CARS2: variants seen among roughly 807,000 people sequenced by gnomAD.
The protein encoded by CARS2 is cysteinyl-tRNA synthetase 2, mitochondrial, also known as probable cysteine--tRNA ligase, mitochondrial.
CARS2 carries 52 observed loss-of-function variants against 68.8 expected under a neutral mutation model. The ratio of observed to expected loss-of-function variants is 0.76; its 90% CI spans 0.61 to 0.95. The LOEUF is 0.95. Among genes scored for constraint, CARS2 ranks in the 40% least tolerant of loss-of-function variants. CARS2 has a pLI of 0.00. For synonymous variants in CARS2, 314 were observed against 303.6 expected (o/e 1.03, Z -0.36); for missense variants, 780 against 754.2 (o/e 1.03, Z -0.40).
At chr13:110,709,865 A>G (rs1186863685), upstream of CARS2, among the ~76,000 whole-genome samples, 1 of 152,160 alleles carries the variant, frequency 6.6e-6, no homozygotes. Flanking sequence ...GGTCAGAACG[A>G]GGAAGTGTGT....
intron 13 of CARS2, chr13:110,643,247 G>A (rs1887639191): frequency 6.0e-6 from 1 of 167,156 alleles, no homozygotes; most frequent in Non-Finnish European, 1.3e-5. Context: ...CAAGGGCTAG[G>A]CAGAGCTTGG....
Position 110,701,562 on chromosome 13 carries a change from GA to G in CARS2, c.276-8del. The G allele has an allele frequency of 7.3e-6, 9 of 1,231,346 alleles. No homozygotes were observed. Among genetic ancestry groups the G allele is most frequent in the Non-Finnish European group, 1.1e-5 (9 of 837,802 alleles). The allele number at this position is 1,231,346 out of a possible 1,614,324, so 76.3% of individuals were successfully genotyped here. On this transcript the variant is annotated splice_polypyrimidine_tract_variant and splice_region_variant and intron_variant, in intron 2 of 14. Transcript: ENST00000257347. ...ATCAAATCTAACATATGAGCTGAAA[GA>G]AAAAAAGTGTCAGGATGTCTTTATT...
rs935860525 is a variant in CARS2 at position 110,668,186 on chromosome 13, G to A, written c.786-713C>T. 1.3e-5 allele frequency among the ~76,000 whole-genome samples: 2 copies of A among 152,326 alleles called. No individual in the cohort carries two copies. The highest frequency in any genetic ancestry group is 3.9e-4 in the East Asian group (2 of 5,192). On this transcript the variant is annotated intron_variant, in intron 7 of 14. Coordinates refer to ENST00000257347, the MANE Select transcript of CARS2 (RefSeq NM_024537.4). This position sits in a 1 kb window ranked among gnomAD's most constrained non-coding sequence, Gnocchi z 4.1. ...CTGTGCTCGGGGAAGCACTGCACAC[G>A]GAGGTCTCGAGCCTGGGGAAACAGG...
chr13:110,684,182 G>A (rs1367008009), intron 5 of CARS2, among the ~76,000 whole-genome samples: 1 of 152,166 alleles, frequency 6.6e-6, no homozygotes, highest in Non-Finnish European at 1.5e-5. Context: ...CCACAGATCC[G>A]CAGCCACCAT....
chr13:110,663,443 C>T lies in CARS2; in HGVS notation c.987+8G>A, dbSNP rs769199498. The T allele has an allele frequency of 6.2e-7, 1 of 1,611,432 alleles. No homozygotes were observed. The highest frequency in any genetic ancestry group is 8.5e-7 in the Non-Finnish European group (1 of 1,178,926). ...CACCTCAGAGATACAATACAAAAAG[C>T]ACGTTACCTTAATAGTAATGTAGTT... On this transcript the variant is annotated splice_region_variant and intron_variant, in intron 9 of 14. Transcript: ENST00000257347.
chr13:110,696,026 G>A (rs929763377), intron 3 of CARS2, among the ~76,000 whole-genome samples: 2 of 152,242 alleles, frequency 1.3e-5, no homozygotes, highest in East Asian at 1.9e-4. Context: ...AGAACCATGC[G>A]GTGTTCGGTT....
At chr13:110,707,401 CTTTGGGAGGCTGAGGCGG>C (rs2063985524), upstream of CARS2, 2 of 152,210 alleles carry the variant, frequency 1.3e-5, no homozygotes, top group Non-Finnish European at 2.9e-5. Flanking sequence ...AATCCCAGCA[CTTTGGGAGGCTGAGGCGG>C]ATGGATCACC....
chr13:110,703,939 G>A (rs764213991), intron 2 of CARS2, among the ~76,000 whole-genome samples: 14 of 152,232 alleles, frequency 9.2e-5, no homozygotes, highest in Admixed American at 3.3e-4. Context: ...CAAAGTCATG[G>A]AGGCAGAGAG....
intron 11 of CARS2, chr13:110,646,829 A>T (rs559230313): frequency 5.1e-6 from 2 of 390,608 alleles, no homozygotes; most frequent in Non-Finnish European, 9.3e-6. Context: ...CCTGTCCAGC[A>T]CCCAGTGTCC....
intron 6 of CARS2, among the ~76,000 whole-genome samples, chr13:110,679,942 A>G (rs2063109289): frequency 6.6e-6 from 1 of 152,226 alleles, no homozygotes; most frequent in Non-Finnish European, 1.5e-5. Context: ...CAGCAACGGA[A>G]GAACATGAAC....
chr13:110,657,503 C>A (rs928679238), intron 9 of CARS2, among the ~76,000 whole-genome samples: 1 of 152,172 alleles, frequency 6.6e-6, no homozygotes, highest in Admixed American at 6.5e-5. Flanking sequence ...AAGAGCCCTC[C>A]CTGGCTAAAT....
chr13:110,692,786 C>G (rs1322133705), intron 3 of CARS2, among the ~76,000 whole-genome samples: 2 of 151,742 alleles, frequency 1.3e-5, no homozygotes, highest in Non-Finnish European at 2.9e-5. Flanking sequence ...CACACTCCAG[C>G]TTGGGCAACA....
At position 110,712,914 on chromosome 13, in the gene CARS2, G is replaced by T; in HGVS notation, n.399+223C>A. On this transcript the variant is annotated intron_variant and non_coding_transcript_variant, in intron 1 of 2. Coordinates refer to the CARS2 transcript ENST00000485188. ...GGAGACGACACAAAGGGAGGGCGGT[G>T]ACGGATGGCGCAGGCGCGGGAGCCG... is the stretch of plus-strand genomic sequence containing the variant. 3 of 1,548,964 alleles carry T rather than the reference G, an allele frequency of 1.9e-6. No homozygotes were observed. In the South Asian group the frequency reaches 3.6e-5, roughly 18 times the overall value.
intron 10 of CARS2, chr13:110,648,423 A>G (rs1888422955): frequency 6.6e-6 from 1 of 152,242 alleles, no homozygotes; most frequent in South Asian, 2.1e-4. Flanking sequence ...CATTTCTCCA[A>G]AGAGGATTCT....
At chr13:110,703,036 C>T (rs913974434) in intron 2 of CARS2, among the ~76,000 whole-genome samples, 5 of 152,178 alleles carry the variant, frequency 3.3e-5, no homozygotes, top group African/African-American at 1.2e-4. Flanking sequence ...ACGCAGCACC[C>T]TCCCCAGTCT....
At chr13:110,654,933 AAAGAAAAAGAAAAAAAAAG>A (rs1444677754) in intron 9 of CARS2, among the ~76,000 whole-genome samples, 14 of 131,186 alleles carry the variant, frequency 1.1e-4, no homozygotes, top group African/African-American at 4.6e-4. Flanking sequence ...AAAAAAAAAA[AAAGAAAAAGAAAAAAAAAG>A]AAAAAGAAAA....
At chr13:110,646,831 C>A in intron 11 of CARS2, 1 of 410,476 alleles carries the variant, frequency 2.4e-6, no homozygotes, top group Non-Finnish European at 4.4e-6. Context: ...TGTCCAGCAC[C>A]CAGTGTCCTG....
At chr13:110,658,361 G>A (rs1172689807) in intron 9 of CARS2, among the ~76,000 whole-genome samples, 2 of 152,144 alleles carry the variant, frequency 1.3e-5, no homozygotes, top group Non-Finnish European at 2.9e-5. Context: ...TTGTTGCCAA[G>A]GCCTGGGGAA....
chr13:110,653,293 C>A lies in CARS2; in HGVS notation c.988-2193G>T, dbSNP rs1266641109. Among the ~76,000 whole-genome samples the A allele has an allele frequency of 6.6e-6, 1 of 152,058 alleles. No homozygotes were observed. Among genetic ancestry groups the A allele is most frequent in the African/African-American group, 2.4e-5 (1 of 41,376 alleles). ...AATCACACTGGAATTCCATTTCCGT[C>A]TGTCCATCTCCCGGGTGCTCCTTCC... On this transcript the variant is annotated intron_variant, in intron 9 of 14. Coordinates refer to ENST00000257347, the MANE Select transcript of CARS2 (RefSeq NM_024537.4). This position sits in a 1 kb window ranked among gnomAD's most constrained non-coding sequence, Gnocchi z 5.6.
Sources: allele counts gnomAD v4.1 joint callset (sites outside exome capture counted in the v4.1 genomes callset), GRCh38; gene constraint gnomAD v4.1.1; non-coding constraint Gnocchi (gnomAD v3.1); transcripts MANE v1.5; gene names NCBI Gene and HGNC (gene_info 2026-07-23, HGNC 2026-07-21).